Variants in CADPS2 observed in about 807,000 individuals in gnomAD.
CADPS2 encodes the protein calcium dependent secretion activator 2.
Under a neutral mutation model 172.5 loss-of-function variants are expected in CADPS2, and 93 were observed. The ratio of observed to expected loss-of-function variants is 0.54; its 90% CI spans 0.46 to 0.64. The LOEUF is 0.64. Among genes scored for constraint, CADPS2 ranks in the 30% least tolerant of loss-of-function variants. The pLI is 0.00. For missense variants in CADPS2, 1,420 were observed against 1,565.9 expected (o/e 0.91, Z 1.57); for synonymous variants, 546 against 555.2 (o/e 0.98, Z 0.23).
At chr7:122,774,475 A>C (rs2093813582) in intron 1 of CADPS2, among the ~76,000 whole-genome samples, 1 of 152,178 alleles carries the variant, frequency 6.6e-6, no homozygotes, top group Non-Finnish European at 1.5e-5. Flanking sequence ...AAGTTAGTTA[A>C]GACAGTTTTC....
chr7:122,381,622 T>C (rs778282143), intron 24 of CADPS2, among the ~76,000 whole-genome samples: 1 of 152,212 alleles, frequency 6.6e-6, no homozygotes, highest in East Asian at 1.9e-4. Context: ...TTGATACCCA[T>C]TTTCTTGAAA....
At chr7:122,504,093 A>C (rs952709452) in intron 9 of CADPS2, among the ~76,000 whole-genome samples, 1 of 149,716 alleles carries the variant, frequency 6.7e-6, no homozygotes, top group Non-Finnish European at 1.5e-5. Context: ...TCTCCCCTCA[A>C]TTACTTACTT....
At chr7:122,458,472 A>T (rs1057381632) in intron 14 of CADPS2, among the ~76,000 whole-genome samples, 1 of 152,172 alleles carries the variant, frequency 6.6e-6, no homozygotes, top group African/African-American at 2.4e-5. Flanking sequence ...GAAGAAATTA[A>T]TTGTGTCTTT....
chr7:122,842,586 C>G (rs1348816002), intron 1 of CADPS2, among the ~76,000 whole-genome samples: 1 of 152,000 alleles, frequency 6.6e-6, no homozygotes, highest in East Asian at 1.9e-4. Flanking sequence ...GATCATTAAG[C>G]TACTATAAAG....
chr7:122,712,758 G>T (rs977561170), intron 2 of CADPS2, among the ~76,000 whole-genome samples: 2 of 152,072 alleles, frequency 1.3e-5, no homozygotes, highest in African/African-American at 4.8e-5. Context: ...GGATTAAGTA[G>T]ATTTGGTGTC....
chr7:122,784,153 T>TA (rs1180537193), intron 1 of CADPS2, among the ~76,000 whole-genome samples: 2 of 152,182 alleles, frequency 1.3e-5, no homozygotes, highest in Non-Finnish European at 2.9e-5. Context: ...ACCCACTATT[T>TA]ATCATCTCAC....
At chr7:122,514,174 A>G (rs967204314) in intron 8 of CADPS2, among the ~76,000 whole-genome samples, 8 of 152,164 alleles carry the variant, frequency 5.3e-5, no homozygotes, top group African/African-American at 1.7e-4. Flanking sequence ...ACTCCCTACA[A>G]AAGTGGAAAA....
At chr7:122,470,252 C>T (rs1046268706) in intron 14 of CADPS2, among the ~76,000 whole-genome samples, 17 of 151,050 alleles carry the variant, frequency 1.1e-4, no homozygotes, top group African/African-American at 2.9e-4. Context: ...AAAATGAAGG[C>T]CAGAATTAGG....
intron 17 of CADPS2, among the ~76,000 whole-genome samples, chr7:122,437,823 CACAG>C (rs2050833787): frequency 6.7e-6 from 1 of 148,330 alleles, no homozygotes; most frequent in African/African-American, 2.5e-5. Context: ...AAAAAAAAAG[CACAG>C]TTCTCTCAAG....
rs565606844 is a variant in CADPS2 at position 122,543,103 on chromosome 7, A to G, written c.1475+11447T>C. 1.6e-3 allele frequency among the ~76,000 whole-genome samples: 246 copies of G among 152,040 alleles called. 2 individuals are homozygous for G. The highest frequency in any genetic ancestry group is 3.4e-3 in the Middle Eastern group (1 of 294). Reference sequence around the variant, plus strand: ...ATAATCTGTGAATTCTGGTATAAGGATATTTTGGAAACAGCTTCAAGCTAC... The same window carrying G: ...ATAATCTGTGAATTCTGGTATAAGGGTATTTTGGAAACAGCTTCAAGCTAC... On this transcript the variant is annotated intron_variant, in intron 8 of 29. Transcript: ENST00000449022.
intron 24 of CADPS2, 118 bp from the exon 25 acceptor site, chr7:122,379,560 T>A: frequency 1.4e-6 from 1 of 692,236 alleles, no homozygotes; most frequent in Non-Finnish European, 2.6e-6. Flanking sequence ...AATGATCATT[T>A]AGAACATTAA....
intron 14 of CADPS2, among the ~76,000 whole-genome samples, chr7:122,469,535 T>G (rs945251354): frequency 6.6e-6 from 1 of 151,868 alleles, no homozygotes; most frequent in Non-Finnish European, 1.5e-5. Flanking sequence ...GTGCAGAGGG[T>G]TGAGTGTGAG....
At chr7:122,615,389 T>C (rs564594194) in intron 5 of CADPS2, 90 bp from the exon 6 acceptor site, 423 of 809,854 alleles carry the variant, frequency 5.2e-4, no homozygotes, top group Non-Finnish European at 6.9e-4. Context: ...ATAAGGAAGA[T>C]TGACAAAACT....
intron 8 of CADPS2, among the ~76,000 whole-genome samples, chr7:122,516,856 T>A (rs567496524): frequency 2.0e-5 from 3 of 152,236 alleles, no homozygotes; most frequent in African/African-American, 7.2e-5. Context: ...TTTCTATAAT[T>A]CCACAATGTC....
intron 1 of CADPS2, among the ~76,000 whole-genome samples, chr7:122,878,031 G>GA (rs397951095): frequency 6.6e-6 from 1 of 151,392 alleles, no homozygotes; most frequent in Admixed American, 6.6e-5. Flanking sequence ...GGCCGAGGCG[G>GA]TGGATCATGA....
chr7:122,518,248 T>C (rs1356440639), intron 8 of CADPS2, among the ~76,000 whole-genome samples: 1 of 152,006 alleles, frequency 6.6e-6, no homozygotes, highest in African/African-American at 2.4e-5. Flanking sequence ...AAAATATAAC[T>C]TGATCTTTAA....
intron 14 of CADPS2, among the ~76,000 whole-genome samples, chr7:122,458,898 G>A (rs1348101059): frequency 1.3e-5 from 2 of 151,982 alleles, no homozygotes; most frequent in African/African-American, 2.4e-5. Context: ...AGAGAATTAA[G>A]GTTGGTATAG....
At chr7:122,408,737 A>T (rs2151677902) in intron 19 of CADPS2, among the ~76,000 whole-genome samples, 1 of 152,248 alleles carries the variant, frequency 6.6e-6, no homozygotes, top group East Asian at 1.9e-4. Flanking sequence ...TCAAATATGA[A>T]TTGGATTATA....
chr7:122,822,418 C>T (rs1803593232), intron 1 of CADPS2, among the ~76,000 whole-genome samples: 2 of 152,066 alleles, frequency 1.3e-5, no homozygotes, highest in African/African-American at 4.8e-5. Context: ...CCACACCGCC[C>T]CTAATCCTGC....
Sources: allele counts gnomAD v4.1 joint callset (sites outside exome capture counted in the v4.1 genomes callset), GRCh38; gene constraint gnomAD v4.1.1; transcripts MANE v1.5; gene names NCBI Gene and HGNC (gene_info 2026-07-23, HGNC 2026-07-21).